The following FRMD4A variants were observed in gnomAD, a reference collection of about 807,000 sequenced individuals.
FRMD4A encodes FERM domain-containing protein 4A.
Under a neutral mutation model 129.1 loss-of-function variants are expected in FRMD4A, and 29 were observed. The observed-to-expected ratio is 0.22, with a 90% CI of 0.17 to 0.31. The LOEUF (loss-of-function observed/expected upper bound fraction) is 0.31, where lower values mean the gene tolerates loss of function less well. Among genes scored for constraint, FRMD4A ranks in the 10% least tolerant of loss-of-function variants. FRMD4A has a pLI of 1.00. For synonymous variants in FRMD4A, 634 were observed against 571.6 expected (o/e 1.11, Z -1.56); for missense variants, 1,272 against 1,375.8 (o/e 0.92, Z 1.19).
At chr10:14,123,080 A>C (rs116172601) in intron 2 of FRMD4A, among the ~76,000 whole-genome samples, 1,696 of 151,548 alleles carry the variant, frequency 0.011, 43 homozygotes, top group African/African-American at 0.039. Flanking sequence ...TATATTTGGA[A>C]ATTTCAATAT....
At chr10:13,697,408 A>G in intron 14 of FRMD4A, among the ~76,000 whole-genome samples, 1 of 152,058 alleles carries the variant, frequency 6.6e-6, no homozygotes, top group South Asian at 2.1e-4. Context: ...TCAGCCTCCC[A>G]AAGTGCTGGG....
intron 2 of FRMD4A, among the ~76,000 whole-genome samples, chr10:14,215,295 A>T (rs12243490): frequency 0.011 from 1,638 of 152,284 alleles, 28 homozygotes; most frequent in African/African-American, 0.038. Context: ...AATATGAACC[A>T]CTTGAGTTTG....
At chr10:14,175,414 C>T (rs1564364217) in intron 2 of FRMD4A, among the ~76,000 whole-genome samples, 1 of 152,100 alleles carries the variant, frequency 6.6e-6, no homozygotes, top group Non-Finnish European at 1.5e-5. Flanking sequence ...CCCTAATTAA[C>T]ATCCTTCTTC....
intron 2 of FRMD4A, among the ~76,000 whole-genome samples, chr10:14,153,044 G>A (rs1840421161): frequency 6.6e-6 from 1 of 152,152 alleles, no homozygotes; most frequent in South Asian, 2.1e-4. Context: ...CTCCACACAA[G>A]GCAGGGAAGC....
intron 2 of FRMD4A, among the ~76,000 whole-genome samples, chr10:14,128,362 A>G (rs114072079): frequency 0.024 from 3,596 of 152,102 alleles, 136 homozygotes; most frequent in African/African-American, 0.081. Flanking sequence ...CCTCAGCCCC[A>G]CAAAGTGCTG....
At position 13,649,965 on chromosome 10, in the gene FRMD4A, C is replaced by CT. The variant is rs2081418506; in HGVS notation, c.*2+1937dup. ...TCTCAACTGTGACCCAGAAGAGCAG[C>CT]TTAGCCCTGGGCAGTCTGGGTCACA... On this transcript the variant is annotated intron_variant, in intron 24 of 24. Coordinates refer to ENST00000357447, the MANE Select transcript of FRMD4A (RefSeq NM_018027.5). Among the ~76,000 whole-genome samples the CT allele has an allele frequency of 2.0e-5, 3 of 152,314 alleles. No individual in the cohort carries two copies. In the South Asian group the frequency reaches 6.2e-4, roughly 32 times the overall value.
At chr10:13,862,002 G>A (rs537975006) in intron 2 of FRMD4A, among the ~76,000 whole-genome samples, 4 of 152,216 alleles carry the variant, frequency 2.6e-5, no homozygotes, top group African/African-American at 4.8e-5. Context: ...TTCGAGCTAC[G>A]CTGATTCAGT....
chr10:14,069,038 A>G (rs1773459200), intron 2 of FRMD4A, among the ~76,000 whole-genome samples: 3 of 151,812 alleles, frequency 2.0e-5, no homozygotes, highest in Non-Finnish European at 4.4e-5. Context: ...CAACACCTCC[A>G]TCCCCACCCC....
chr10:13,754,567 CGTGTGTGT>C lies in FRMD4A; in HGVS notation c.465-6756_465-6749del, dbSNP rs56304219. Among the ~76,000 whole-genome samples, 855 of 147,984 alleles carry C rather than the reference CGTGTGTGT, an allele frequency of 5.8e-3. 4 individuals are homozygous for C. The highest frequency in any genetic ancestry group is 7.0e-3 in the Non-Finnish European group (467 of 66,716). ...GGGAAAACGCCACACACAATTCTTT[CGTGTGTGT>C]GTGTGTGTGTGTGTGTGTGTGTGTG... On this transcript the variant is annotated intron_variant, in intron 8 of 24. Coordinates refer to ENST00000357447, the MANE Select transcript of FRMD4A (RefSeq NM_018027.5).
intron 2 of FRMD4A, among the ~76,000 whole-genome samples, chr10:14,086,213 G>A (rs1050898145): frequency 6.6e-6 from 1 of 152,206 alleles, no homozygotes; most frequent in East Asian, 1.9e-4. Context: ...TTAACTAAAG[G>A]CTAAACAGAA....
chr10:14,062,962 G>A (rs911247640), intron 2 of FRMD4A, among the ~76,000 whole-genome samples: 2 of 152,118 alleles, frequency 1.3e-5, no homozygotes, highest in Non-Finnish European at 2.9e-5. Context: ...AAATCCTAGT[G>A]GTTTTGCCTA....
intron 2 of FRMD4A, among the ~76,000 whole-genome samples, chr10:13,973,680 A>G (rs1405089358): frequency 3.3e-5 from 5 of 150,770 alleles, no homozygotes; most frequent in Non-Finnish European, 7.4e-5. Flanking sequence ...TTTATCTAAG[A>G]GGGAAGAGAA....
intron 3 of FRMD4A, among the ~76,000 whole-genome samples, chr10:13,856,936 C>A (rs1439558025): frequency 6.6e-6 from 1 of 152,162 alleles, no homozygotes; most frequent in Non-Finnish European, 1.5e-5. Context: ...CCAGACCACT[C>A]GCCTATAAAC....
At chr10:14,099,326 A>G (rs1053039506) in intron 2 of FRMD4A, among the ~76,000 whole-genome samples, 1 of 151,234 alleles carries the variant, frequency 6.6e-6, no homozygotes, top group Admixed American at 6.5e-5. Context: ...GTTAGAAAAG[A>G]GATGAGAGAC....
intron 2 of FRMD4A, among the ~76,000 whole-genome samples, chr10:13,882,238 A>G (rs997154550): frequency 6.6e-6 from 1 of 152,106 alleles, no homozygotes; most frequent in African/African-American, 2.4e-5. Flanking sequence ...GAGAGCCCCT[A>G]AACTATGACA....
chr10:13,681,034 C>T (rs2084532624), intron 15 of FRMD4A, among the ~76,000 whole-genome samples: 1 of 152,200 alleles, frequency 6.6e-6, no homozygotes, highest in African/African-American at 2.4e-5. Flanking sequence ...TACCAATTGA[C>T]CCATCTCTAA....
intron 2 of FRMD4A, among the ~76,000 whole-genome samples, chr10:14,253,334 A>T (rs1844502434): frequency 6.6e-6 from 1 of 152,228 alleles, no homozygotes; most frequent in Non-Finnish European, 1.5e-5. Flanking sequence ...ACCTGGTTTT[A>T]TCCCCATATT....
At chr10:13,892,037 A>C (rs2094705758) in intron 2 of FRMD4A, among the ~76,000 whole-genome samples, 1 of 122,178 alleles carries the variant, frequency 8.2e-6, no homozygotes, top group Non-Finnish European at 1.8e-5. Flanking sequence ...GCCCCCCCAG[A>C]AAGCCAGGGA....
intron 2 of FRMD4A, among the ~76,000 whole-genome samples, chr10:13,980,218 G>A (rs189472733): frequency 1.2e-4 from 18 of 152,280 alleles, no homozygotes; most frequent in African/African-American, 4.3e-4. Context: ...CTGGCCGTTC[G>A]AAGAGCCCGT....
Sources: gnomAD v4.1 joint callset for allele counts (sites outside exome capture counted in the v4.1 genomes callset) on GRCh38, gnomAD v4.1.1 for gene constraint, MANE v1.5 for transcripts, NCBI Gene and HGNC (gene_info 2026-07-23, HGNC 2026-07-21) for gene names.